The following CASK variants were observed in gnomAD, a reference collection of about 807,000 sequenced individuals.
The protein encoded by CASK is calcium/calmodulin dependent serine protein kinase, also known as peripheral plasma membrane protein CASK.
CASK carries 4 observed loss-of-function variants against 82.9 expected under a neutral mutation model. The observed-to-expected ratio is 0.05, with a 90% confidence interval of 0.02 to 0.11. The LOEUF (loss-of-function observed/expected upper bound fraction) is 0.11, where lower values mean the gene tolerates loss of function less well. Ranked by LOEUF, CASK falls within the 10% of genes least tolerant of loss-of-function variation. CASK has a pLI of 1.00. For synonymous variants in CASK, 259 were observed against 253.5 expected (o/e 1.02, Z -0.20); for missense variants, 358 against 720.9 (o/e 0.50, Z 5.76).
chrX:41,905,360 C>G (rs184947738), intron 1 of CASK, among the ~76,000 whole-genome samples: 1 of 112,015 alleles, frequency 8.9e-6, no homozygotes, highest in Non-Finnish European at 1.9e-5. Flanking sequence ...CACCAACGTA[C>G]GAGAGATCCA....
At chrX:41,657,729 G>T (rs1296521069) in intron 8 of CASK, among the ~76,000 whole-genome samples, 1 of 110,889 alleles carries the variant, frequency 9.0e-6, no homozygotes, top group African/African-American at 3.3e-5. Context: ...CACCACATTG[G>T]CCTATATTTT....
intron 2 of CASK, among the ~76,000 whole-genome samples, chrX:41,830,606 G>T (rs1161150770): frequency 9.3e-6 from 1 of 107,848 alleles, no homozygotes; most frequent in Non-Finnish European, 1.9e-5. Context: ...GGATCATGAA[G>T]TCAGTAGATC....
chrX:41,898,855 T>C (rs750700183), intron 1 of CASK, among the ~76,000 whole-genome samples: 2 of 112,083 alleles, frequency 1.8e-5, no homozygotes, highest in South Asian at 7.5e-4. Flanking sequence ...ATATCATCTA[T>C]CCTAGAGACT....
intron 12 of CASK, among the ~76,000 whole-genome samples, chrX:41,602,138 G>A (rs978374745): frequency 2.7e-5 from 3 of 111,297 alleles, no homozygotes; most frequent in African/African-American, 9.8e-5. Context: ...TCACCTTGTT[G>A]ACTTCTACAA....
At position 41,517,770 on chromosome X, in the gene CASK, T is replaced by TAGCAGC. The variant is rs760277976; in HGVS notation, c.*2644_*2649dup. The stretch of plus-strand genomic sequence containing the variant: ...TTAGTGGACAATTGTAATGTAGCAG[T>TAGCAGC]AGCAGCAGCAGCAGCAGCAGCAGCA... On this transcript the variant is annotated 3_prime_UTR_variant, in exon 27 of 27. Coordinates refer to ENST00000378163, the MANE Select transcript of CASK (RefSeq NM_001367721.1). 10,726 of 706,295 alleles carry TAGCAGC rather than the reference T, an allele frequency of 0.015. 205 individuals are homozygous for TAGCAGC. Among genetic ancestry groups the TAGCAGC allele is most frequent in the Admixed American group, 0.027 (988 of 36,232 alleles). The allele number at this position is 706,295 out of a possible 1,213,427, so 58.2% of individuals were successfully genotyped here. A position where few individuals can be genotyped will look rare whatever the true frequency, so the allele number is the denominator to read the frequency against.
At chrX:41,631,883 C>T (rs372783200) in intron 9 of CASK, among the ~76,000 whole-genome samples, 235 of 111,573 alleles carry the variant, frequency 2.1e-3, no homozygotes, top group Admixed American at 3.7e-3. Flanking sequence ...AGAATATTTG[C>T]GGAACTGCTC....
At chrX:41,580,283 T>C (rs1051008682) in intron 14 of CASK, among the ~76,000 whole-genome samples, 8 of 111,949 alleles carry the variant, frequency 7.1e-5, no homozygotes, top group African/African-American at 1.9e-4. Context: ...TGGGCTCAAG[T>C]GAACCTTCTA....
intron 2 of CASK, among the ~76,000 whole-genome samples, chrX:41,852,473 TCA>T (rs1183950041): frequency 9.0e-6 from 1 of 111,679 alleles, no homozygotes; most frequent in Non-Finnish European, 1.9e-5. Context: ...AGCATGTATG[TCA>T]CAGTTACATG....
intron 2 of CASK, among the ~76,000 whole-genome samples, chrX:41,800,937 C>CT (rs2069984389): frequency 9.0e-6 from 1 of 111,642 alleles, no homozygotes; most frequent in Admixed American, 9.6e-5. Flanking sequence ...CAGAGAAATG[C>CT]ATGGATAAGG....
intron 11 of CASK, among the ~76,000 whole-genome samples, chrX:41,612,719 C>T (rs1284601830): frequency 1.1e-5 from 1 of 88,917 alleles, no homozygotes; most frequent in East Asian, 4.0e-4. Context: ...GTCAGCTCCC[C>T]GCCCGGCCAG....
chrX:41,900,132 T>C (rs945719659), intron 1 of CASK, among the ~76,000 whole-genome samples: 1 of 110,290 alleles, frequency 9.1e-6, no homozygotes, highest in Non-Finnish European at 1.9e-5. Context: ...AATCCACTGA[T>C]AGTCTTATAG....
intron 5 of CASK, among the ~76,000 whole-genome samples, chrX:41,703,426 C>A (rs369484318): frequency 4.6e-4 from 52 of 112,447 alleles, no homozygotes; most frequent in African/African-American, 1.6e-3. Context: ...TAACAATATG[C>A]ACTTTTTCTT....
intron 25 of CASK, among the ~76,000 whole-genome samples, chrX:41,527,924 T>C (rs960602299): frequency 4.4e-5 from 5 of 112,364 alleles, no homozygotes; most frequent in African/African-American, 1.6e-4. Flanking sequence ...CAGCTTTTCT[T>C]AGGTTTGACT....
chrX:41,770,563 AT>A (rs1344862216), intron 3 of CASK, among the ~76,000 whole-genome samples: 1 of 109,723 alleles, frequency 9.1e-6, no homozygotes, highest in Non-Finnish European at 1.9e-5. Flanking sequence ...ATTTTTTTGT[AT>A]TTTTAGTAGA....
At chrX:41,664,247 T>C (rs1028776295) in intron 7 of CASK, among the ~76,000 whole-genome samples, 1 of 112,184 alleles carries the variant, frequency 8.9e-6, no homozygotes, top group African/African-American at 3.2e-5. Context: ...CAGTTATGGC[T>C]TAAAAGGATA....
At chrX:41,879,937 A>G (rs1317454595) in intron 1 of CASK, among the ~76,000 whole-genome samples, 1 of 112,193 alleles carries the variant, frequency 8.9e-6, no homozygotes, top group Non-Finnish European at 1.9e-5. Context: ...TACTATGCCC[A>G]TGCATCCTTA....
At chrX:41,631,209 C>G (rs1346600377) in intron 9 of CASK, among the ~76,000 whole-genome samples, 1 of 111,085 alleles carries the variant, frequency 9.0e-6, no homozygotes, top group Non-Finnish European at 1.9e-5. Context: ...TCTTTTGGGT[C>G]TATGTAAAAG....
intron 5 of CASK, among the ~76,000 whole-genome samples, chrX:41,672,173 AAGG>A (rs1569385183): frequency 9.0e-6 from 1 of 110,911 alleles, no homozygotes; most frequent in East Asian, 2.8e-4. Context: ...GGAGGTGAAA[AAGG>A]AGAAGGGGAA....
At chrX:41,795,089 T>C (rs1006972071) in intron 2 of CASK, among the ~76,000 whole-genome samples, 1 of 112,277 alleles carries the variant, frequency 8.9e-6, no homozygotes, top group African/African-American at 3.2e-5. Context: ...GAAATGATTA[T>C]CTGAGGTTTT....
Sources: gnomAD v4.1 joint callset for allele counts (sites outside exome capture counted in the v4.1 genomes callset) on GRCh38, gnomAD v4.1.1 for gene constraint, MANE v1.5 for transcripts, NCBI Gene and HGNC (gene_info 2026-07-23, HGNC 2026-07-21) for gene names.